Variants in RHOU observed in about 807,000 individuals in gnomAD.
RHOU encodes the protein ras homolog family member U.
A neutral mutation model predicts 12.6 loss-of-function variants in RHOU; 8 were observed. The ratio of observed to expected loss-of-function variants is 0.64; its 90% CI spans 0.37 to 1.15. The LOEUF is 1.15. RHOU is among the 50% of genes most tolerant of loss of function. The probability of loss-of-function intolerance (pLI) is 0.01; values close to 1 mark genes in which losing one functional copy is unlikely to be tolerated. For synonymous variants in RHOU, 161 were observed against 147.4 expected, an observed-to-expected ratio of 1.09 and a Z score of -0.67; for missense variants, 258 against 347.0, an observed-to-expected ratio of 0.74 and a Z score of 2.04.
the RHOU span, among the ~76,000 whole-genome samples, chr1:228,724,781 G>A: frequency 1.8e-4 from 28 of 152,296 alleles, 1 homozygote; most frequent in East Asian, 5.4e-3. Context: ...TGTTGCTTTT[G>A]AAGTTCTGGC....
At chr1:228,663,775 C>T in the RHOU span, among the ~76,000 whole-genome samples, 3 of 150,334 alleles carry the variant, frequency 2.0e-5, no homozygotes, top group Non-Finnish European at 4.4e-5. Flanking sequence ...TGGGATTACG[C>T]GCGCGCGACA....
the RHOU span, among the ~76,000 whole-genome samples, chr1:228,703,230 A>G: frequency 6.6e-6 from 1 of 152,214 alleles, no homozygotes; most frequent in South Asian, 2.1e-4. Context: ...AATTTCTCCT[A>G]TAAAAGTGTT....
At chr1:228,719,541 C>G in the RHOU span, among the ~76,000 whole-genome samples, 1 of 152,010 alleles carries the variant, frequency 6.6e-6, no homozygotes, top group Non-Finnish European at 1.5e-5. Context: ...ACCAGCCTGG[C>G]CAACATGGTG....
At chr1:228,728,838 C>T in the RHOU span, among the ~76,000 whole-genome samples, 1 of 152,022 alleles carries the variant, frequency 6.6e-6, no homozygotes, top group Non-Finnish European at 1.5e-5. Context: ...CTGAATGTAA[C>T]AATTGCCCCC....
At position 228,735,824 on chromosome 1, in the gene RHOU, C is replaced by T. The variant is rs1419434853; in HGVS notation, c.82C>T (p.Arg28Cys). Residue 28 changes from arginine to cysteine, a missense_variant, in exon 1 of 3, where the codon CGC (arginine) becomes TGC (cysteine). By Grantham distance (180) the Arg-to-Cys change is radical. Coordinates refer to ENST00000366691, the MANE Select transcript of RHOU (RefSeq NM_021205.6). This position sits in a 1 kb window ranked among gnomAD's most constrained non-coding sequence, Gnocchi z 8.1. ...PVPPRRERGGRGGRGPGEPGG... is the reference protein window; with the variant it reads ...PVPPRRERGGCGGRGPGEPGG... ...GCCGCCGCGTCGGGAGCGCGGTGGA[C>T]GCGGGGGACGCGGGCCTGGGGAGCC... is the stretch of plus-strand genomic sequence containing the variant. The T allele has an allele frequency of 1.6e-6, 2 of 1,227,386 alleles. No individual in the cohort carries two copies. The highest frequency in any genetic ancestry group is 2.0e-6 in the Non-Finnish European group (2 of 986,006). The allele number at this position is 1,227,386 out of a possible 1,614,324, so 76.0% of individuals were successfully genotyped here.
the RHOU span, among the ~76,000 whole-genome samples, chr1:228,694,444 G>A: frequency 2.0e-5 from 3 of 152,000 alleles, no homozygotes; most frequent in South Asian, 2.1e-4. Context: ...TATTTTGCCC[G>A]GAATCCATTA....
the RHOU span, among the ~76,000 whole-genome samples, chr1:228,710,821 CAGG>C: frequency 6.6e-6 from 1 of 152,056 alleles, no homozygotes; most frequent in African/African-American, 2.4e-5. Flanking sequence ...GGCAATGAGG[CAGG>C]AGAAGGAAAT....
chr1:228,647,343 C>T, the RHOU span, among the ~76,000 whole-genome samples: 2 of 152,324 alleles, frequency 1.3e-5, no homozygotes, highest in Admixed American at 6.5e-5. Context: ...AGAGTGCGCC[C>T]GCCCTTTTGG....
At chr1:228,655,153 G>A in the RHOU span, among the ~76,000 whole-genome samples, 3 of 147,908 alleles carry the variant, frequency 2.0e-5, no homozygotes, top group African/African-American at 7.5e-5. Flanking sequence ...CACCCAGGCT[G>A]GAGTGCAGTG....
chr1:228,743,534 T>A lies in RHOU; in HGVS notation c.571T>A (p.Cys191Ser). The change falls in exon 3 of 3, where the codon TGC becomes AGC. Residue 191 changes from cysteine (C) to serine (S), a missense_variant. Coordinates refer to ENST00000366691, the MANE Select transcript of RHOU (RefSeq NM_021205.6). The surrounding 1 kb of genome is among the most constrained non-coding windows in gnomAD (Gnocchi z 5.1). The part of the protein sequence containing the change: ...KPVPEEAAKL[C>S]AEEIKAASYI... ...AGTGCCTGAAGAGGCGGCTAAGCTG[T>A]GCGCCGAGGAAATCAAAGCCGCCTC... is the stretch of plus-strand genomic sequence containing the variant. The A allele has an allele frequency of 6.2e-7, 1 of 1,614,196 alleles. No individual in the cohort carries two copies. Among genetic ancestry groups the A allele is most frequent in the Non-Finnish European group, 8.5e-7 (1 of 1,180,038 alleles).
the RHOU span, among the ~76,000 whole-genome samples, chr1:228,726,749 A>G: frequency 1.3e-5 from 2 of 152,178 alleles, no homozygotes; most frequent in Non-Finnish European, 2.9e-5. Flanking sequence ...CCATCTTCTA[A>G]TCTATAAAAT....
At chr1:228,657,587 G>A in the RHOU span, among the ~76,000 whole-genome samples, 2 of 152,180 alleles carry the variant, frequency 1.3e-5, no homozygotes, top group Non-Finnish European at 2.9e-5. Context: ...GACAAATGGA[G>A]AGTTCAATAC....
chr1:228,712,901 C>T, the RHOU span, among the ~76,000 whole-genome samples: 5 of 151,658 alleles, frequency 3.3e-5, no homozygotes, highest in Non-Finnish European at 7.4e-5. Flanking sequence ...GTTTGCATCT[C>T]CTGCAATGTT....
At chr1:228,721,829 T>C in the RHOU span, among the ~76,000 whole-genome samples, 4 of 152,200 alleles carry the variant, frequency 2.6e-5, no homozygotes, top group African/African-American at 9.7e-5. Flanking sequence ...GTATTTTGTA[T>C]TTTTAGTAGA....
chr1:228,686,292 T>C, the RHOU span, among the ~76,000 whole-genome samples: 1 of 152,170 alleles, frequency 6.6e-6, no homozygotes, highest in Non-Finnish European at 1.5e-5. Context: ...CAATGTGTTT[T>C]ATTAACTAAT....
the RHOU span, among the ~76,000 whole-genome samples, chr1:228,728,938 C>G: frequency 6.6e-6 from 1 of 151,690 alleles, no homozygotes; most frequent in Admixed American, 6.6e-5. Context: ...CTCTGTCGCC[C>G]AGGCTGGAGT....
chr1:228,664,166 T>A, the RHOU span, among the ~76,000 whole-genome samples: 1 of 151,302 alleles, frequency 6.6e-6, no homozygotes, highest in Non-Finnish European at 1.5e-5. Context: ...TACAGATGTG[T>A]GCCACCAGGC....
At chr1:228,656,966 G>T in the RHOU span, among the ~76,000 whole-genome samples, 1 of 152,062 alleles carries the variant, frequency 6.6e-6, no homozygotes, top group African/African-American at 2.4e-5. Context: ...ACCACGAATA[G>T]GATGAAAGTG....
At chr1:228,718,726 G>A in the RHOU span, among the ~76,000 whole-genome samples, 1 of 152,180 alleles carries the variant, frequency 6.6e-6, no homozygotes, top group African/African-American at 2.4e-5. Context: ...TTAGAAAACT[G>A]TCTTTCTCAT....
Sources: allele counts gnomAD v4.1 joint callset (sites outside exome capture counted in the v4.1 genomes callset), GRCh38; gene constraint gnomAD v4.1.1; non-coding constraint Gnocchi (gnomAD v3.1); transcripts MANE v1.5; gene names NCBI Gene and HGNC (gene_info 2026-07-23, HGNC 2026-07-21).